Variants in COPG1 observed in about 807,000 individuals in gnomAD.
The protein encoded by COPG1 is coatomer subunit gamma-1.
Under a neutral mutation model 102.8 loss-of-function variants are expected in COPG1, and 29 were observed. That is an observed-to-expected ratio of 0.28 (90% CI 0.21 to 0.38). COPG1 has a LOEUF of 0.38. COPG1 is among the 10% of genes least tolerant of loss of function. The pLI is 1.00. For synonymous variants in COPG1, 406 were observed against 421.6 expected, an observed-to-expected ratio of 0.96 and a Z score of 0.45; for missense variants, 875 against 1,132.7, an observed-to-expected ratio of 0.77 and a Z score of 3.27.
chr3:129,265,337 C>G (rs771513545), intron 13 of COPG1, among the ~76,000 whole-genome samples: 2 of 152,146 alleles, frequency 1.3e-5, no homozygotes, highest in Non-Finnish European at 2.9e-5. Context: ...AGTGGTCCAC[C>G]CACCTCAGCC....
intron 15 of COPG1, 88 bp downstream of exon 15, chr3:129,267,187 A>G: frequency 1.0e-6 from 1 of 978,338 alleles, no homozygotes; most frequent in Non-Finnish European, 1.6e-6. Context: ...TTTAACTGAA[A>G]AGGGAGAGAA....
At position 129,256,803 on chromosome 3, in the gene COPG1, A is replaced by G. The variant is rs139058784; in HGVS notation, c.579+649A>G. On this transcript the variant is annotated intron_variant, in intron 8 of 23. Transcript: ENST00000314797. ...CCAGCTGTGGCCCCTCAAAACACTT[A>G]TGAGGGCCAGATAAGCTTCCCACAT... 2.0e-5 allele frequency among the ~76,000 whole-genome samples: 3 copies of G among 152,314 alleles called. No individual in the cohort carries two copies. The East Asian group carries it at 5.8e-4, about 29-fold the overall frequency.
chr3:129,272,020 A>G (rs1267051106), intron 19 of COPG1, 111 bp downstream of exon 19: 1 of 1,261,624 alleles, frequency 7.9e-7, no homozygotes, highest in Non-Finnish European at 1.1e-6. Flanking sequence ...TGGGAGCCCA[A>G]CTTGATGACA....
intron 8 of COPG1, 92 bp from the exon 9 acceptor site, chr3:129,257,378 A>T: frequency 7.3e-7 from 1 of 1,373,854 alleles, no homozygotes; most frequent in Middle Eastern, 2.2e-4. Context: ...CCATCTTAGA[A>T]ATGAGAAGGC....
chr3:129,250,893 G>T (rs553704332), intron 2 of COPG1, 159 bp downstream of exon 2: 20 of 398,634 alleles, frequency 5.0e-5, no homozygotes, highest in Middle Eastern at 4.0e-4. Flanking sequence ...TTTCTGGAGA[G>T]AGTTAGTTAT....
chr3:129,252,817 TC>T, intron 4 of COPG1, 58 bp from the exon 5 acceptor site: 2 of 1,582,528 alleles, frequency 1.3e-6, no homozygotes, highest in Non-Finnish European at 1.7e-6. Context: ...AGGTATCTTC[TC>T]CCAACTCTGG....
rs750094220 is a variant in COPG1 at position 129,267,944 on chromosome 3, A to G, written c.1552A>G (p.Met518Val). 2 of 1,613,766 alleles carry G rather than the reference A, an allele frequency of 1.2e-6. No individual in the cohort carries two copies. The highest frequency in any genetic ancestry group is 1.3e-5 in the African/African-American group (1 of 74,904). The stretch of plus-strand genomic sequence containing the variant: ...CTTGTGTCCTGGCTGCAGGTGTGTG[A>G]TGGATGATGACAATGAAGTAAGGGA... ...SILVLLKRCV[M>V]DDDNEVRDRA... The change falls in exon 16 of 24, where the codon ATG becomes GTG. Residue 518 changes from methionine (M) to valine (V), a missense_variant. Transcript: ENST00000314797.
chr3:129,268,831 G>T, intron 17 of COPG1, 101 bp from the exon 18 acceptor site: 1 of 1,208,222 alleles, frequency 8.3e-7, no homozygotes, highest in Non-Finnish European at 1.2e-6. Flanking sequence ...ACTCTCAGGA[G>T]GGTTAGTATT....
chr3:129,270,760 A>G (rs1240930435), intron 18 of COPG1, among the ~76,000 whole-genome samples: 1 of 152,232 alleles, frequency 6.6e-6, no homozygotes, highest in African/African-American at 2.4e-5. Flanking sequence ...CCTTCTAAGT[A>G]AAGGGAAAAA....
At chr3:129,250,159 T>C (rs1939664434) in intron 1 of COPG1, among the ~76,000 whole-genome samples, 1 of 152,224 alleles carries the variant, frequency 6.6e-6, no homozygotes, top group African/African-American at 2.4e-5. Flanking sequence ...CATTCATTTA[T>C]TCAGCAAAGT....
intron 10 of COPG1, among the ~76,000 whole-genome samples, chr3:129,259,691 G>A (rs911064706): frequency 1.3e-5 from 2 of 152,174 alleles, no homozygotes; most frequent in South Asian, 4.2e-4. Flanking sequence ...AGTCATCTTC[G>A]CTCCTATGAT....
chr3:129,259,331 C>T (rs1302513390), intron 10 of COPG1, among the ~76,000 whole-genome samples: 2 of 151,728 alleles, frequency 1.3e-5, no homozygotes, highest in South Asian at 2.1e-4. Flanking sequence ...CGTGGTGGTG[C>T]GCATCTGTAA....
Position 129,274,968 on chromosome 3 carries a change from C to T in COPG1, c.2387C>T (p.Thr796Ile), listed in dbSNP as rs1940238684. The T allele has an allele frequency of 6.2e-7, 1 of 1,614,086 alleles. No individual in the cohort carries two copies. Among genetic ancestry groups the T allele is most frequent in the Non-Finnish European group, 8.5e-7 (1 of 1,179,920 alleles). Residue 796 changes from threonine to isoleucine, a missense_variant, in exon 22 of 24, where the codon ACA (threonine) becomes ATA (isoleucine). Transcript: ENST00000314797. ...ACGTTCACCTTGTCTACCATCAAGA[C>T]ACTTGAAGGTAAAATCCTGGGAATG... ...EETFTLSTIKTLEEAVGNIVK... is the reference protein window; with the variant it reads ...EETFTLSTIKILEEAVGNIVK...
At chr3:129,258,656 C>T (rs919424861) in intron 10 of COPG1, among the ~76,000 whole-genome samples, 3 of 152,172 alleles carry the variant, frequency 2.0e-5, no homozygotes, top group Non-Finnish European at 2.9e-5. Context: ...TGGGGTTTCA[C>T]CATATTGGCC....
chr3:129,256,106 G>A lies in COPG1; in HGVS notation c.531G>A (p.Trp177Ter), dbSNP rs1179033359. 6.2e-7 allele frequency: 1 copy of A among 1,613,982 alleles called. No homozygotes were observed. The highest frequency in any genetic ancestry group is 8.5e-7 in the Non-Finnish European group (1 of 1,179,932). The change falls in exon 8 of 24, where the codon TGG becomes TGA. Residue 177 changes from tryptophan to a stop codon, truncating the protein, a stop_gained. Coordinates refer to ENST00000314797, the MANE Select transcript of COPG1 (RefSeq NM_016128.4). LOFTEE classifies it high-confidence loss of function. ...LKCSFDVVKR[W>*]VNEAQEAASS... ...GCAGCTTTGACGTGGTCAAGCGCTG[G>A]GTGAATGAGGCTCAGGAGGCAGCAT...
intron 15 of COPG1, 87 bp downstream of exon 15, chr3:129,267,186 A>C (rs1940078555): frequency 1.0e-6 from 1 of 977,562 alleles, no homozygotes; most frequent in Non-Finnish European, 1.6e-6. Flanking sequence ...TTTTAACTGA[A>C]AAGGGAGAGA....
Position 129,269,275 on chromosome 3 carries a change from C to T in COPG1, c.1843+275C>T, listed in dbSNP as rs527442336. On this transcript the variant is annotated intron_variant, in intron 18 of 23. Coordinates refer to ENST00000314797, the MANE Select transcript of COPG1 (RefSeq NM_016128.4). ...TTACTGGGCCTCAATTTGGAGGGCTCGGGTCCCTGGAGCCCAGGCCAGTTC... is the reference window on the plus strand; with the variant it reads ...TTACTGGGCCTCAATTTGGAGGGCTTGGGTCCCTGGAGCCCAGGCCAGTTC... Among the ~76,000 whole-genome samples the T allele has an allele frequency of 5.9e-5, 9 of 152,198 alleles. No homozygotes were observed. In the East Asian group the frequency reaches 1.5e-3, roughly 26 times the overall value.
In COPG1 at chr3:129,267,536, G is replaced by A. The variant is rs1940089873; in HGVS notation, c.1545-401G>A. Among the ~76,000 whole-genome samples, 3 of 152,122 alleles carry A rather than the reference G, an allele frequency of 2.0e-5. No individual in the cohort carries two copies. The South Asian group carries it at 6.2e-4, about 31-fold the overall frequency. On this transcript the variant is annotated intron_variant, in intron 15 of 23. Transcript: ENST00000314797. ...CTTGGGAGGCTGAGGCAGGAGAATG[G>A]TGTGAACCTGGGAGATGGAGCTTGC... is the stretch of plus-strand genomic sequence containing the variant.
In COPG1 at chr3:129,265,672, G is replaced by A. The variant is rs1940040882; in HGVS notation, c.1348G>A (p.Val450Met). 2 of 1,614,228 alleles carry A rather than the reference G, an allele frequency of 1.2e-6. No individual in the cohort carries two copies. Among genetic ancestry groups the A allele is most frequent in the East Asian group, 4.5e-5 (2 of 44,892 alleles). ...CEFIEDCEFTVLATRILHLLG... is the reference protein window; with the variant it reads ...CEFIEDCEFTMLATRILHLLG... ...GTTCATCGAGGACTGCGAGTTCACA[G>A]TGCTGGCCACCCGTATTCTACATCT... Residue 450 changes from valine (V) to methionine (M), a missense_variant, in exon 14 of 24, where the codon GTG (valine) becomes ATG (methionine). Physicochemically the swap from Val to Met is conservative, Grantham distance 21 (BLOSUM62 1). Transcript: ENST00000314797.
Sources: gnomAD v4.1 joint callset for allele counts (sites outside exome capture counted in the v4.1 genomes callset) on GRCh38, gnomAD v4.1.1 for gene constraint, MANE v1.5 for transcripts, NCBI Gene and HGNC (gene_info 2026-07-23, HGNC 2026-07-21) for gene names.